The following SETD4 variants were observed in gnomAD, a reference collection of about 807,000 sequenced individuals.
The protein encoded by SETD4 is SET domain-containing protein 4.
In SETD4, 46 loss-of-function variants were observed where a neutral mutation model predicts 58.3. The ratio of observed to expected loss-of-function variants is 0.79; its 90% confidence interval spans 0.62 to 1.01. The LOEUF is 1.01. Among genes scored for constraint, SETD4 ranks in the 50% least tolerant of loss-of-function variants. The pLI is 0.00. For missense variants in SETD4, 490 were observed against 523.3 expected, an observed-to-expected ratio of 0.94 and a Z score of 0.62; for synonymous variants, 190 against 202.6, an observed-to-expected ratio of 0.94 and a Z score of 0.53.
chr21:36,043,140 A>G (rs1049541776), intron 7 of SETD4: 11 of 152,250 alleles, frequency 7.2e-5, no homozygotes, highest in African/African-American at 2.2e-4. Flanking sequence ...GCGTGCCTGT[A>G]ATCCCAGCTA....
intron 8 of SETD4, among the ~76,000 whole-genome samples, chr21:36,041,236 G>A (rs1212342015): frequency 1.3e-5 from 2 of 150,226 alleles, no homozygotes; most frequent in Non-Finnish European, 3.0e-5. Flanking sequence ...CCATGCACAG[G>A]AGTTCCCAGT....
At chr21:36,053,290 G>A (rs2064808849) in intron 4 of SETD4, 1 of 479,528 alleles carries the variant, frequency 2.1e-6, no homozygotes, top group African/African-American at 2.0e-5. Context: ...GGAAGGAGTT[G>A]GGGCCTCTGC....
chr21:36,040,730 C>T lies in SETD4; in HGVS notation c.984-75G>A. ...GACCTCATAGCAAATGACTGAAGAG[C>T]CAAACACCTTTTTAAAGAGGTTGCT... On this transcript the variant is annotated intron_variant, in intron 8 of 11. Coordinates refer to ENST00000332131, the MANE Select transcript of SETD4 (RefSeq NM_017438.5). The T allele has an allele frequency of 2.3e-6, 3 of 1,306,050 alleles. No homozygotes were observed. In the East Asian group the frequency reaches 7.0e-5, roughly 30 times the overall value. 80.9% of individuals were successfully genotyped at this position (1,306,050 alleles called of 1,614,324 possible). A position where few individuals can be genotyped will look rare whatever the true frequency, so the allele number is the denominator to read the frequency against.
At chr21:36,049,419 G>A (rs2064527447) in intron 4 of SETD4, among the ~76,000 whole-genome samples, 1 of 152,182 alleles carries the variant, frequency 6.6e-6, no homozygotes, top group African/African-American at 2.4e-5. Flanking sequence ...GCTGGCCATG[G>A]TGGTGCACAC....
intron 6 of SETD4, among the ~76,000 whole-genome samples, 186 bp downstream of exon 6, chr21:36,045,396 C>T (rs2064265866): frequency 1.3e-5 from 2 of 152,196 alleles, no homozygotes; most frequent in Admixed American, 1.3e-4. Flanking sequence ...AAGGCAAGCA[C>T]TGCGGGAGGG....
At chr21:36,059,782 T>C (rs1013455524) in intron 1 of SETD4, 1 of 985,280 alleles carries the variant, frequency 1.0e-6, no homozygotes, top group African/African-American at 1.7e-5. Context: ...CCAGGCAATA[T>C]TAATACCGCA....
chr21:36,059,111 G>A (rs1308669439), intron 1 of SETD4, 187 bp from the exon 2 acceptor site: 6 of 589,932 alleles, frequency 1.0e-5, no homozygotes, highest in African/African-American at 9.6e-5. Flanking sequence ...TTTATACTGT[G>A]AGCTAAATCA....
intron 9 of SETD4, among the ~76,000 whole-genome samples, chr21:36,039,827 T>C (rs2063959017): frequency 6.6e-6 from 1 of 152,236 alleles, no homozygotes; most frequent in Admixed American, 6.5e-5. Flanking sequence ...AGCAACATCA[T>C]CTCATCCAAA....
chr21:36,052,897 CT>C (rs2064788656), intron 4 of SETD4: 1 of 152,270 alleles, frequency 6.6e-6, no homozygotes, highest in Admixed American at 6.5e-5. Flanking sequence ...TCATCCTCCC[CT>C]AGCTCTGGTT....
chr21:36,041,355 C>G (rs1278878073), intron 8 of SETD4, among the ~76,000 whole-genome samples: 1 of 152,044 alleles, frequency 6.6e-6, no homozygotes, highest in Non-Finnish European at 1.5e-5. Context: ...TTCATTTCAT[C>G]CAGAAAAGAA....
At chr21:36,036,587 CA>C in intron 10 of SETD4, 1 of 934,716 alleles carries the variant, frequency 1.1e-6, no homozygotes, top group Non-Finnish European at 1.3e-6. Context: ...ATTTCATTTC[CA>C]ATAATGTCTT....
At chr21:36,050,136 G>A in intron 4 of SETD4, 2 of 804,238 alleles carry the variant, frequency 2.5e-6, no homozygotes, top group Non-Finnish European at 4.3e-6. Flanking sequence ...TCTATATCTG[G>A]CTGTTCATCT....
intron 7 of SETD4, 100 bp downstream of exon 7, chr21:36,043,682 T>C: frequency 6.5e-7 from 1 of 1,531,892 alleles, no homozygotes; most frequent in Non-Finnish European, 8.8e-7. Flanking sequence ...TGTATGTCAG[T>C]CTTAAGGTTT....
chr21:36,057,037 G>C (rs2065018746), intron 3 of SETD4, 72 bp downstream of exon 3: 1 of 1,214,728 alleles, frequency 8.2e-7, no homozygotes, highest in Admixed American at 1.7e-5. Flanking sequence ...AGGCCCACCT[G>C]CAAGAGTGGC....
chr21:36,039,861 G>C (rs553173716), intron 9 of SETD4, among the ~76,000 whole-genome samples: 4 of 152,352 alleles, frequency 2.6e-5, no homozygotes, highest in Admixed American at 1.3e-4. Flanking sequence ...TCACTGAAGG[G>C]GCACCGACTG....
intron 4 of SETD4, chr21:36,051,209 G>A (rs796716781): frequency 6.2e-7 from 1 of 1,605,876 alleles, no homozygotes; most frequent in Admixed American, 1.7e-5. Context: ...CTAGTGAGCT[G>A]GAGCTGGGTC....
At chr21:36,052,611 T>G (rs2064774107) in intron 4 of SETD4, among the ~76,000 whole-genome samples, 1 of 151,342 alleles carries the variant, frequency 6.6e-6, no homozygotes, top group African/African-American at 2.4e-5. Flanking sequence ...AAGATACCAT[T>G]CCTTAGCCTA....
At chr21:36,042,124 C>T in intron 7 of SETD4, 1 of 290,150 alleles carries the variant, frequency 3.4e-6, no homozygotes, top group Non-Finnish European at 6.3e-6. Flanking sequence ...ATAACCTCAG[C>T]TCCTGCTCCC....
At chr21:36,044,050 C>T in intron 6 of SETD4, 94 bp from the exon 7 acceptor site, 2 of 1,410,478 alleles carry the variant, frequency 1.4e-6, no homozygotes, top group Non-Finnish European at 1.9e-6. Flanking sequence ...GAGTCAGGTG[C>T]AGCTTTCAAA....
Sources: gnomAD v4.1 joint callset for allele counts (sites outside exome capture counted in the v4.1 genomes callset) on GRCh38, gnomAD v4.1.1 for gene constraint, MANE v1.5 for transcripts, NCBI Gene and HGNC (gene_info 2026-07-23, HGNC 2026-07-21) for gene names.